Variants in AUTS2 observed in about 807,000 individuals in gnomAD.
AUTS2 encodes the protein autism susceptibility gene 2 protein.
AUTS2 carries 17 observed loss-of-function variants against 112.4 expected under a neutral mutation model. That is an observed-to-expected ratio of 0.15 (90% CI 0.10 to 0.23). The LOEUF is 0.23. Ranked by LOEUF, AUTS2 falls within the 10% of genes least tolerant of loss-of-function variation. AUTS2 has a pLI of 1.00. For synonymous variants in AUTS2, 751 were observed against 702.7 expected (o/e 1.07, Z -1.09); for missense variants, 1,510 against 1,701.6 (o/e 0.89, Z 1.98).
intron 5 of AUTS2, among the ~76,000 whole-genome samples, chr7:70,562,265 A>C (rs1483718685): frequency 6.6e-6 from 1 of 152,234 alleles, no homozygotes; most frequent in Non-Finnish European, 1.5e-5. Flanking sequence ...AGTCACTAGC[A>C]AATATAGATT....
At chr7:70,653,178 G>A (rs1392316322) in intron 5 of AUTS2, among the ~76,000 whole-genome samples, 2 of 152,148 alleles carry the variant, frequency 1.3e-5, no homozygotes, top group South Asian at 4.1e-4. Context: ...TTGCTTTCGA[G>A]GCTGCATGAG....
chr7:70,038,894 G>A (rs1370673974), intron 2 of AUTS2, among the ~76,000 whole-genome samples: 1 of 152,098 alleles, frequency 6.6e-6, no homozygotes, highest in Non-Finnish European at 1.5e-5. Flanking sequence ...AGGTAACTGG[G>A]ACTACAGGTG....
At chr7:69,683,666 G>C (rs1210466352) in intron 1 of AUTS2, among the ~76,000 whole-genome samples, 1 of 152,076 alleles carries the variant, frequency 6.6e-6, no homozygotes, top group Non-Finnish European at 1.5e-5. Context: ...GGAGGCTGAG[G>C]CGGGTGGATC....
rs1554425263 is a variant in AUTS2, at chr7:70,004,170, A to AATAT, written c.522+104673_522+104676dup. Among the ~76,000 whole-genome samples, 209 of 75,292 alleles carry AATAT rather than the reference A, an allele frequency of 2.8e-3. 10 individuals carry two copies. The highest frequency in any genetic ancestry group is 4.8e-3 in the African/African-American group (78 of 16,288). The allele number at this position is 75,292 out of a possible 152,430, so 49.4% of individuals were successfully genotyped here. A position where few individuals can be genotyped will look rare whatever the true frequency, so the allele number is the denominator to read the frequency against. On this transcript the variant is annotated intron_variant, in intron 2 of 18. Transcript: ENST00000342771. Reference sequence around the variant, plus strand: ...GAATGTGTTATATGTGAATATATATAATATGAATGTGTTATATGTGAATAT... The same window carrying AATAT: ...GAATGTGTTATATGTGAATATATATAATATATATGAATGTGTTATATGTGAATAT...
At chr7:70,562,161 G>A (rs1047334949) in intron 5 of AUTS2, among the ~76,000 whole-genome samples, 4 of 152,202 alleles carry the variant, frequency 2.6e-5, no homozygotes, top group Non-Finnish European at 1.5e-5. Flanking sequence ...GCAGAGCCAT[G>A]AGCCAAATAA....
chr7:70,127,577 T>C (rs922352805), intron 3 of AUTS2, among the ~76,000 whole-genome samples: 2 of 152,236 alleles, frequency 1.3e-5, no homozygotes, highest in Admixed American at 1.3e-4. Flanking sequence ...TGAATATGAC[T>C]CTTTTCACCT....
At chr7:69,766,735 C>T (rs1788438536) in intron 1 of AUTS2, among the ~76,000 whole-genome samples, 1 of 152,114 alleles carries the variant, frequency 6.6e-6, no homozygotes, top group Admixed American at 6.5e-5. Flanking sequence ...TTAGATTCAA[C>T]GAACAATTTC....
At chr7:70,326,760 G>A (rs1412213953) in intron 4 of AUTS2, among the ~76,000 whole-genome samples, 1 of 152,144 alleles carries the variant, frequency 6.6e-6, no homozygotes, top group East Asian at 1.9e-4. Context: ...GTAAACAAGT[G>A]TGCCTATGAG....
Position 70,695,366 on chromosome 7 carries a change from GC to G in AUTS2, c.691-3202del, listed in dbSNP as rs1809028338. ...GAGGAGGGGGCCGGGGCCTGCGTCC[GC>G]TTGAGCTGGGGGCCCTAGCGTGGCG... On this transcript the variant is annotated intron_variant, in intron 5 of 18. Coordinates refer to ENST00000342771, the MANE Select transcript of AUTS2 (RefSeq NM_015570.4). 2.6e-5 allele frequency among the ~76,000 whole-genome samples: 4 copies of G among 152,360 alleles called. No homozygotes were observed. In the South Asian group the frequency reaches 8.3e-4, roughly 32 times the overall value.
chr7:69,717,850 T>TA (rs1487137202), intron 1 of AUTS2, among the ~76,000 whole-genome samples: 3 of 152,148 alleles, frequency 2.0e-5, no homozygotes, highest in Admixed American at 2.0e-4. Context: ...AGAGGGCAGT[T>TA]AGAGTTCATC....
At chr7:69,675,454 C>T (rs533671637) in intron 1 of AUTS2, among the ~76,000 whole-genome samples, 9 of 150,690 alleles carry the variant, frequency 6.0e-5, no homozygotes, top group Non-Finnish European at 1.3e-4. Flanking sequence ...CTCCACCCAG[C>T]AGAATACTGT....
At chr7:70,773,394 A>G (rs1315897988) in intron 11 of AUTS2, among the ~76,000 whole-genome samples, 1 of 152,200 alleles carries the variant, frequency 6.6e-6, no homozygotes, top group Non-Finnish European at 1.5e-5. Flanking sequence ...GATAAGGTTA[A>G]TATTAGCAAT....
intron 1 of AUTS2, among the ~76,000 whole-genome samples, chr7:69,715,227 TAAAAAA>T (rs61555118): frequency 1.5e-5 from 2 of 129,428 alleles, no homozygotes; most frequent in Non-Finnish European, 3.2e-5. Flanking sequence ...CAGGCATAAG[TAAAAAA>T]AAAAAAAAAA....
At chr7:70,773,218 C>T (rs1010277053) in intron 11 of AUTS2, among the ~76,000 whole-genome samples, 1 of 152,178 alleles carries the variant, frequency 6.6e-6, no homozygotes, top group East Asian at 1.9e-4. Context: ...ACTTGAGCTC[C>T]TTTTCCCCAC....
Position 70,790,347 on chromosome 7 carries a change from G to A in AUTS2, c.3131G>A (p.Arg1044His), listed in dbSNP as rs776489400. The stretch of plus-strand genomic sequence containing the variant: ...AGCATCAGCAGCCTGGACAGGACTC[G>A]CATGATGACCCCCTTCATGGGCATC... ...MNSISSLDRT[R>H]MMTPFMGISP... Residue 1044 changes from arginine (R) to histidine (H), a missense_variant, in exon 19 of 19, where the codon CGC becomes CAC. Physicochemically the swap from Arg to His is conservative, Grantham distance 29. Coordinates refer to ENST00000342771, the MANE Select transcript of AUTS2 (RefSeq NM_015570.4). The surrounding 1 kb of genome is among the most constrained non-coding windows in gnomAD (Gnocchi z 7.6). 4 of 1,613,854 alleles carry A rather than the reference G, an allele frequency of 2.5e-6. No individual in the cohort carries two copies. The highest frequency in any genetic ancestry group is 2.2e-5 in the South Asian group (2 of 91,072).
intron 1 of AUTS2, among the ~76,000 whole-genome samples, chr7:69,627,304 C>T (rs1793999176): frequency 6.6e-6 from 1 of 151,998 alleles, no homozygotes; most frequent in Non-Finnish European, 1.5e-5. Context: ...CCAGCCTGGC[C>T]AACATGGAGA....
chr7:69,853,011 T>G (rs1209072350), intron 1 of AUTS2, among the ~76,000 whole-genome samples: 2 of 152,176 alleles, frequency 1.3e-5, no homozygotes, highest in Non-Finnish European at 2.9e-5. Flanking sequence ...CTGTATATGA[T>G]TTCAGTTCTT....
chr7:70,013,520 TG>T (rs1799896219), intron 2 of AUTS2, among the ~76,000 whole-genome samples: 1 of 152,206 alleles, frequency 6.6e-6, no homozygotes, highest in African/African-American at 2.4e-5. Flanking sequence ...CACATTTGAC[TG>T]TCAGTCTACT....
At position 70,480,014 on chromosome 7, in the gene AUTS2, G is replaced by A. The variant is rs183468902; in HGVS notation, c.690+44233G>A. 1.0e-3 allele frequency among the ~76,000 whole-genome samples: 158 copies of A among 152,334 alleles called. 1 individual carries two copies. The highest frequency in any genetic ancestry group is 1.1e-3 in the Admixed American group (17 of 15,312). On this transcript the variant is annotated intron_variant, in intron 5 of 18. Coordinates refer to ENST00000342771, the MANE Select transcript of AUTS2 (RefSeq NM_015570.4). Reference sequence around the variant, plus strand: ...CCCCCAAAATATGGCAAATTGTGATGCCTGAGGCAGAGTATGGTATGGCTG... The same window carrying A: ...CCCCCAAAATATGGCAAATTGTGATACCTGAGGCAGAGTATGGTATGGCTG...
Sources: gnomAD v4.1 joint callset for allele counts (sites outside exome capture counted in the v4.1 genomes callset) on GRCh38, gnomAD v4.1.1 for gene constraint, Gnocchi (gnomAD v3.1) non-coding constraint, MANE v1.5 for transcripts, NCBI Gene and HGNC (gene_info 2026-07-23, HGNC 2026-07-21) for gene names.